The following EYA1 variants were observed in gnomAD, a reference collection of about 807,000 sequenced individuals.
EYA1 encodes the protein EYA transcriptional coactivator and phosphatase 1.
EYA1 carries 16 observed loss-of-function variants against 82.0 expected under a neutral mutation model. The ratio of observed to expected loss-of-function variants is 0.20; its 90% confidence interval spans 0.13 to 0.30. EYA1 has a LOEUF of 0.30. EYA1 is among the 10% of genes least tolerant of loss of function. EYA1 has a pLI of 1.00. For missense variants in EYA1, 633 were observed against 730.7 expected (o/e 0.87, Z 1.54); for synonymous variants, 261 against 264.4 (o/e 0.99, Z 0.12).
chr8:71,403,833 A>G (rs1830079719), intron 2 of EYA1: 1 of 152,250 alleles, frequency 6.6e-6, no homozygotes, highest in African/African-American at 2.4e-5. Flanking sequence ...GGAGAAAGCC[A>G]TAAAAGTATA....
chr8:71,229,700 C>T (rs1810970838), intron 12 of EYA1, among the ~76,000 whole-genome samples: 1 of 152,116 alleles, frequency 6.6e-6, no homozygotes, highest in Admixed American at 6.5e-5. Flanking sequence ...TTGTGCAGTA[C>T]TAAAAAACGT....
intron 2 of EYA1, among the ~76,000 whole-genome samples, chr8:71,514,898 T>C (rs1383068714): frequency 1.3e-5 from 2 of 152,136 alleles, no homozygotes; most frequent in African/African-American, 4.8e-5. Flanking sequence ...TTATTTTCAA[T>C]GTACAATTTT....
At chr8:71,314,819 G>A (rs1821729603) in intron 7 of EYA1, among the ~76,000 whole-genome samples, 2 of 152,106 alleles carry the variant, frequency 1.3e-5, no homozygotes. Context: ...ACTAAGGGAT[G>A]AATAAAAACA....
intron 12 of EYA1, among the ~76,000 whole-genome samples, chr8:71,234,561 G>A (rs1811602127): frequency 6.6e-6 from 1 of 152,032 alleles, no homozygotes; most frequent in Admixed American, 6.6e-5. Context: ...CCTCCTTCTT[G>A]AAACACTATT....
intron 9 of EYA1, among the ~76,000 whole-genome samples, chr8:71,297,085 C>T (rs1048677537): frequency 6.6e-6 from 1 of 151,904 alleles, no homozygotes; most frequent in African/African-American, 2.4e-5. Flanking sequence ...ATTTTTTTCT[C>T]GGTTCAACTC....
intron 2 of EYA1, among the ~76,000 whole-genome samples, chr8:71,399,123 C>T (rs142137503): frequency 9.2e-5 from 14 of 152,280 alleles, no homozygotes; most frequent in East Asian, 5.8e-4. Flanking sequence ...CCTGGTGTGC[C>T]GTTTGCTAAG....
At chr8:71,477,799 C>T (rs1429366803) in intron 2 of EYA1, among the ~76,000 whole-genome samples, 1 of 152,126 alleles carries the variant, frequency 6.6e-6, no homozygotes, top group Non-Finnish European at 1.5e-5. Context: ...ATGTTCACAG[C>T]AGCATTATTC....
At chr8:71,252,198 A>G (rs973199535) in intron 11 of EYA1, among the ~76,000 whole-genome samples, 7 of 151,888 alleles carry the variant, frequency 4.6e-5, no homozygotes, top group Admixed American at 3.9e-4. Flanking sequence ...TCTTTAATTT[A>G]CCAAGACTCT....
At chr8:71,276,664 G>A (rs1350651557) in intron 9 of EYA1, among the ~76,000 whole-genome samples, 1 of 152,160 alleles carries the variant, frequency 6.6e-6, no homozygotes, top group Non-Finnish European at 1.5e-5. Flanking sequence ...GCTATTTCCA[G>A]GATCGATAGG....
intron 2 of EYA1, among the ~76,000 whole-genome samples, chr8:71,436,234 C>G (rs1805998069): frequency 6.6e-6 from 1 of 151,976 alleles, no homozygotes; most frequent in Admixed American, 6.6e-5. Flanking sequence ...GATAGCATAT[C>G]CCATTGACTA....
intron 2 of EYA1, among the ~76,000 whole-genome samples, chr8:71,436,758 C>T (rs930135412): frequency 7.9e-5 from 12 of 152,056 alleles, no homozygotes; most frequent in Admixed American, 3.3e-4. Flanking sequence ...AATTATTTTG[C>T]ACTTCTTCTC....
At chr8:71,234,320 C>G (rs991998247) in intron 12 of EYA1, among the ~76,000 whole-genome samples, 26 of 152,146 alleles carry the variant, frequency 1.7e-4, no homozygotes, top group Non-Finnish European at 2.4e-4. Flanking sequence ...CACACCATAG[C>G]CCATCTCTTT....
chr8:71,224,365 A>G (rs1585859818), intron 12 of EYA1, among the ~76,000 whole-genome samples: 1 of 152,234 alleles, frequency 6.6e-6, no homozygotes, highest in African/African-American at 2.4e-5. Context: ...TCAGCAGAGA[A>G]CTAGCTGTTT....
At chr8:71,488,101 A>C (rs1316545391) in intron 2 of EYA1, among the ~76,000 whole-genome samples, 1 of 152,218 alleles carries the variant, frequency 6.6e-6, no homozygotes, top group Non-Finnish European at 1.5e-5. Context: ...AAGGATAAAT[A>C]AATTATGATG....
intron 2 of EYA1, among the ~76,000 whole-genome samples, chr8:71,408,107 A>G (rs1447153016): frequency 6.6e-6 from 1 of 152,132 alleles, no homozygotes; most frequent in Non-Finnish European, 1.5e-5. Context: ...ACAGAATTTC[A>G]TATCCAGCCA....
chr8:71,257,409 C>G (rs74514301), intron 11 of EYA1, among the ~76,000 whole-genome samples: 2 of 152,144 alleles, frequency 1.3e-5, no homozygotes, highest in African/African-American at 4.8e-5. Flanking sequence ...ACAAGATTGG[C>G]TGTTTTTGGT....
chr8:71,237,928 TG>T (rs1443785345), intron 12 of EYA1, among the ~76,000 whole-genome samples: 2 of 152,172 alleles, frequency 1.3e-5, no homozygotes, highest in Non-Finnish European at 2.9e-5. Context: ...CAAAATATGA[TG>T]GATTTCATAA....
At chr8:71,457,363 A>G (rs1163613386) in intron 2 of EYA1, among the ~76,000 whole-genome samples, 9 of 152,154 alleles carry the variant, frequency 5.9e-5, no homozygotes, top group African/African-American at 1.7e-4. Flanking sequence ...CGATTCCTCA[A>G]GGATCTAGAA....
intron 9 of EYA1, among the ~76,000 whole-genome samples, chr8:71,298,416 A>G (rs8181026): frequency 0.092 from 13,967 of 152,274 alleles, 1,101 homozygotes; most frequent in East Asian, 0.44. Flanking sequence ...TCAGGCAGAC[A>G]CCATTAAGAG....
Sources: allele counts gnomAD v4.1 joint callset (sites outside exome capture counted in the v4.1 genomes callset), GRCh38; gene constraint gnomAD v4.1.1; transcripts MANE v1.5; gene names NCBI Gene and HGNC (gene_info 2026-07-23, HGNC 2026-07-21).